Variants in ATR observed in about 807,000 individuals in gnomAD.
ATR encodes serine/threonine-protein kinase ATR.
A neutral mutation model predicts 305.3 loss-of-function variants in ATR; 142 were observed. The ratio of observed to expected loss-of-function variants is 0.47; its 90% confidence interval spans 0.41 to 0.53. The LOEUF (loss-of-function observed/expected upper bound fraction) is 0.53. ATR is among the 20% of genes least tolerant of loss of function. ATR has a pLI of 0.00. For missense variants in ATR, 2,135 were observed against 3,133.1 expected (o/e 0.68, Z 7.60); for synonymous variants, 1,050 against 1,068.1 (o/e 0.98, Z 0.33).
intron 24 of ATR, among the ~76,000 whole-genome samples, chr3:142,518,046 A>G (rs1451337402): frequency 6.6e-6 from 1 of 152,232 alleles, no homozygotes; most frequent in Middle Eastern, 3.2e-3. Context: ...GCAAATGCAA[A>G]GCCAACAATC....
chr3:142,512,441 C>T lies in ATR; in HGVS notation c.4671G>A (p.Lys1557=), dbSNP rs779467316. The T allele has an allele frequency of 6.2e-6, 10 of 1,612,838 alleles. No homozygotes were observed. The highest frequency in any genetic ancestry group is 1.7e-4 in the Middle Eastern group (1 of 6,060). ...TATTTATGGTATGCTGATCGTCATG[C>T]TTTAGAACTGCCATAATTTCTGCAT... ...EVYAEIMAVL[K]HDDQHTINTQ... The change falls in exon 27 of 47, where the codon AAG becomes AAA. Residue 1557 remains lysine (K), a synonymous_variant. Coordinates refer to ENST00000350721, the MANE Select transcript of ATR (RefSeq NM_001184.4).
At position 142,451,015 on chromosome 3, in the gene ATR, C is replaced by T. The variant is rs1180366812; in HGVS notation, c.7762-1413G>A. ...AAGCTGTGAACTACACCATCAATTC[C>T]GTCTTAAGAGACACCAGTGAATATG... On this transcript the variant is annotated intron_variant, in intron 46 of 46. Transcript: ENST00000350721. 3.3e-5 allele frequency: 41 copies of T among 1,249,544 alleles called. 1 individual carries two copies. Among genetic ancestry groups the T allele is most frequent in the Admixed American group, 1.8e-4 (6 of 33,728 alleles). The allele number at this position is 1,249,544 out of a possible 1,614,324, so 77.4% of individuals were successfully genotyped here.
Position 142,524,006 on chromosome 3 carries a change from T to G in ATR, c.4139A>C (p.Asp1380Ala). The change falls in exon 22 of 47, where the codon GAT becomes GCT. Residue 1380 changes from aspartate to alanine, a missense_variant. Around this residue, in one of 9 missense-constraint regions of ATR, gnomAD observed 530 missense variants for 766.8 expected, o/e 0.69. Transcript: ENST00000350721. ...DFSTTETQGK[D>A]FTFVTGVEDS... ...TCCACTACTTACCACAAATGTAAAA[T>G]CTTTTCCTTGAGTTTCAGTTGTTGA... is the stretch of plus-strand genomic sequence containing the variant. 6.2e-7 allele frequency: 1 copy of G among 1,614,018 alleles called. No homozygotes were observed. Among genetic ancestry groups the G allele is most frequent in the Non-Finnish European group, 8.5e-7 (1 of 1,179,910 alleles).
chr3:142,536,128 C>T lies in ATR; in HGVS notation c.3799G>A (p.Val1267Ile), dbSNP rs377689383. 7.1e-5 allele frequency: 112 copies of T among 1,584,324 alleles called. No homozygotes were observed. Among genetic ancestry groups the T allele is most frequent in the Middle Eastern group, 3.3e-4 (2 of 6,020 alleles). Residue 1267 changes from valine to isoleucine, a missense_variant, in exon 20 of 47, where the codon GTT (valine) becomes ATT (isoleucine). By Grantham distance (29) the Val-to-Ile change is conservative. Around this residue, in one of 9 missense-constraint regions of ATR, gnomAD observed 530 missense variants for 766.8 expected, o/e 0.69. Coordinates refer to ENST00000350721, the MANE Select transcript of ATR (RefSeq NM_001184.4). ...DHPELKKIKAVLQEYRKETSE... is the reference protein window; with the variant it reads ...DHPELKKIKAILQEYRKETSE... ...AATACCTTTCTGTATTCCTGGAGAA[C>T]GGCTTTTATCTTTTTTAATTCTGGA...
intron 1 of ATR, among the ~76,000 whole-genome samples, chr3:142,575,487 G>T (rs1030510128): frequency 1.4e-5 from 2 of 139,502 alleles, no homozygotes; most frequent in Admixed American, 1.4e-4. Context: ...AAAAAAAAAA[G>T]CAGGCTCATT....
At chr3:142,572,320 C>T (rs1034702033) in intron 1 of ATR, among the ~76,000 whole-genome samples, 8 of 147,806 alleles carry the variant, frequency 5.4e-5, no homozygotes, top group African/African-American at 1.2e-4. Context: ...CCATCCGCCT[C>T]GGTCTCCCAA....
intron 21 of ATR, among the ~76,000 whole-genome samples, chr3:142,533,805 CT>C (rs2033752473): frequency 6.6e-6 from 1 of 152,126 alleles, no homozygotes; most frequent in Non-Finnish European, 1.5e-5. Context: ...GTACACTTCC[CT>C]TCTTATTCTG....
intron 40 of ATR, 152 bp from the exon 41 acceptor site, chr3:142,465,392 T>C (rs2071104932): frequency 8.8e-6 from 5 of 565,262 alleles, no homozygotes; most frequent in South Asian, 3.1e-5. Context: ...TTTATTTTAA[T>C]TATCTATGAC....
intron 4 of ATR, 84 bp downstream of exon 4, chr3:142,562,145 TTTC>T (rs2034904234): frequency 5.1e-6 from 7 of 1,360,038 alleles, no homozygotes; most frequent in Non-Finnish European, 6.1e-6. Context: ...GATATTCTAT[TTTC>T]TTATTATTAC....
intron 28 of ATR, among the ~76,000 whole-genome samples, chr3:142,506,523 C>A (rs2032245624): frequency 6.6e-6 from 1 of 151,902 alleles, no homozygotes; most frequent in South Asian, 2.1e-4. Context: ...CCCGTCTCTA[C>A]AAAAAATACA....
At chr3:142,450,118 G>C in intron 46 of ATR, 5 of 312,878 alleles carry the variant, frequency 1.6e-5, no homozygotes, top group Non-Finnish European at 2.4e-5. Context: ...CTGCGCTGCA[G>C]CCCACGAGCA....
rs1277008155 is a variant in ATR at position 142,462,096 on chromosome 3, A to T, written c.7042-6T>A. 1 of 1,608,960 alleles carries T rather than the reference A, an allele frequency of 6.2e-7. No individual in the cohort carries two copies. The highest frequency in any genetic ancestry group is 1.1e-5 in the South Asian group (1 of 90,808). On this transcript the variant is annotated splice_polypyrimidine_tract_variant and splice_region_variant and intron_variant, in intron 41 of 46. Coordinates refer to ENST00000350721, the MANE Select transcript of ATR (RefSeq NM_001184.4). ...TCTGCATCTTTTCTTAAGCACTGTT[A>T]AAAAATACACATAAATTTAAAAACA...
intron 46 of ATR, chr3:142,450,879 C>G (rs577046438): frequency 1.5e-6 from 2 of 1,302,534 alleles, no homozygotes; most frequent in South Asian, 3.0e-5. Flanking sequence ...CAGACAGATA[C>G]CAATACGGTG....
chr3:142,463,952 A>C (rs1347899870), intron 41 of ATR, among the ~76,000 whole-genome samples: 1 of 152,218 alleles, frequency 6.6e-6, no homozygotes, highest in Non-Finnish European at 1.5e-5. Flanking sequence ...AATTTTTACC[A>C]ATGGAAAAAG....
At chr3:142,483,168 G>C (rs1254631075) in intron 36 of ATR, among the ~76,000 whole-genome samples, 1 of 150,598 alleles carries the variant, frequency 6.6e-6, no homozygotes, top group Non-Finnish European at 1.5e-5. Context: ...ACCACCCGTG[G>C]CTTACAGATA....
At chr3:142,573,340 G>C (rs1369368557) in intron 1 of ATR, among the ~76,000 whole-genome samples, 1 of 151,720 alleles carries the variant, frequency 6.6e-6, no homozygotes, top group Non-Finnish European at 1.5e-5. Context: ...CTAGTTACTT[G>C]GGAAGCTGTG....
rs571159511 is a variant in ATR at position 142,507,691 on chromosome 3, C to G, written c.5031+240G>C. On this transcript the variant is annotated intron_variant, in intron 28 of 46. Coordinates refer to ENST00000350721, the MANE Select transcript of ATR (RefSeq NM_001184.4). ...CCATCTCCAAGAAGCCATTCCTGAC[C>G]TCTGGCTCATCCGCTTCCATCTCCC... Among the ~76,000 whole-genome samples, 3 of 152,238 alleles carry G rather than the reference C, an allele frequency of 2.0e-5. No individual in the cohort carries two copies. The South Asian group carries it at 6.2e-4, about 32-fold the overall frequency.
intron 42 of ATR, among the ~76,000 whole-genome samples, chr3:142,460,057 T>G (rs969108921): frequency 6.6e-6 from 1 of 152,054 alleles, no homozygotes; most frequent in African/African-American, 2.4e-5. Context: ...GTCATGCTCA[T>G]AAATAAAATA....
chr3:142,551,755 G>A (rs908057308), intron 13 of ATR, among the ~76,000 whole-genome samples: 1 of 152,144 alleles, frequency 6.6e-6, no homozygotes, highest in Non-Finnish European at 1.5e-5. Flanking sequence ...TCAGGCTATA[G>A]GCACAGGCAA....
Sources: allele counts gnomAD v4.1 joint callset (sites outside exome capture counted in the v4.1 genomes callset), GRCh38; gene constraint gnomAD v4.1.1; regional missense constraint gnomAD v4.1.1; transcripts MANE v1.5; gene names NCBI Gene and HGNC (gene_info 2026-07-23, HGNC 2026-07-21).